Variants in ZC3H3 observed in about 807,000 individuals in gnomAD.
ZC3H3 encodes the protein zinc finger CCCH-type containing 3.
ZC3H3 carries 36 observed loss-of-function variants against 77.3 expected under a neutral mutation model. The ratio of observed to expected loss-of-function variants is 0.47; its 90% confidence interval spans 0.36 to 0.61. The LOEUF is 0.61. Among genes scored for constraint, ZC3H3 ranks in the 20% least tolerant of loss-of-function variants. The pLI, the probability that ZC3H3 is intolerant of heterozygous loss-of-function variation, is 0.00. For synonymous variants in ZC3H3, 626 were observed against 555.2 expected (o/e 1.13, Z -1.79); for missense variants, 1,331 against 1,312.2 (o/e 1.01, Z -0.22).
At chr8:143,531,808 T>C (rs567838221) in intron 3 of ZC3H3, among the ~76,000 whole-genome samples, 1 of 152,382 alleles carries the variant, frequency 6.6e-6, no homozygotes, top group African/African-American at 2.4e-5. Flanking sequence ...TTCTTTTTAT[T>C]AGCCCCCTTA....
At chr8:143,499,460 G>A (rs1291823216) in intron 4 of ZC3H3, among the ~76,000 whole-genome samples, 3 of 152,126 alleles carry the variant, frequency 2.0e-5, no homozygotes, top group African/African-American at 7.2e-5. Context: ...ACCTAGACCT[G>A]CGCCCAGCCG....
intron 9 of ZC3H3, among the ~76,000 whole-genome samples, chr8:143,454,248 A>G (rs1563836633): frequency 1.4e-5 from 2 of 139,340 alleles, no homozygotes; most frequent in African/African-American, 5.3e-5. Context: ...CACTCAGGTA[A>G]TTTTTTTTTT....
chr8:143,448,047 C>T (rs7827427), intron 9 of ZC3H3, among the ~76,000 whole-genome samples: 1 of 152,100 alleles, frequency 6.6e-6, no homozygotes, highest in Non-Finnish European at 1.5e-5. Context: ...ATTGCTTAAA[C>T]CCGAGAGGCG....
Position 143,493,172 on chromosome 8 carries a change from C to T in ZC3H3, c.1715+14574G>A, listed in dbSNP as rs1167015763. ...GGCTCCCTCCTCAGGGTCCCGTGTC[C>T]TGGCCCAGGGGCTCCCTCCTCAGGG... On this transcript the variant is annotated intron_variant, in intron 4 of 11. Coordinates refer to ENST00000262577, the MANE Select transcript of ZC3H3 (RefSeq NM_015117.3). The surrounding 1 kb of genome is among the most constrained non-coding windows in gnomAD (Gnocchi z 4.8). 8.2e-5 allele frequency among the ~76,000 whole-genome samples: 12 copies of T among 146,160 alleles called. No individual in the cohort carries two copies. Among genetic ancestry groups the T allele is most frequent in the Non-Finnish European group, 6.0e-5 (4 of 66,166 alleles).
At position 143,489,308 on chromosome 8, in the gene ZC3H3, A is replaced by C. The variant is rs1821132788; in HGVS notation, c.1716-13723T>G. On this transcript the variant is annotated intron_variant, in intron 4 of 11. Coordinates refer to ENST00000262577, the MANE Select transcript of ZC3H3 (RefSeq NM_015117.3). ...CTGGGCAGGGGACGCCCCAGGTGGG[A>C]AGGGCTCAGCCAGGGCCTGGTTCCA... Among the ~76,000 whole-genome samples the C allele has an allele frequency of 2.0e-5, 3 of 151,520 alleles. No individual in the cohort carries two copies. In the South Asian group the frequency reaches 6.3e-4, roughly 32 times the overall value.
rs192728985 is a variant in ZC3H3 at position 143,519,857 on chromosome 8, G to T, written c.1562-11958C>A. On this transcript the variant is annotated intron_variant, in intron 3 of 11. Transcript: ENST00000262577. The stretch of plus-strand genomic sequence containing the variant: ...GACGCAGGACACCCCCGCAGTCCCA[G>T]AGGTGCCCTGCCCTGTGGGAAGCCA... 2.2e-3 allele frequency among the ~76,000 whole-genome samples: 329 copies of T among 152,290 alleles called. 1 individual carries two copies. Among genetic ancestry groups the T allele is most frequent in the Non-Finnish European group, 4.0e-3 (272 of 68,006 alleles).
intron 9 of ZC3H3, among the ~76,000 whole-genome samples, chr8:143,454,415 T>C (rs938844884): frequency 2.0e-5 from 3 of 150,000 alleles, no homozygotes; most frequent in African/African-American, 4.9e-5. Context: ...TTTTTTTTTT[T>C]TTTGAGATGG....
chr8:143,523,505 C>A (rs181393808), intron 3 of ZC3H3: 1 of 985,404 alleles, frequency 1.0e-6, no homozygotes. Flanking sequence ...GCCCTACAGA[C>A]GGAAGCCACC....
intron 3 of ZC3H3, among the ~76,000 whole-genome samples, chr8:143,513,068 C>A (rs553430286): frequency 1.5e-5 from 2 of 132,278 alleles, no homozygotes; most frequent in East Asian, 4.2e-4. Flanking sequence ...GAAGTCGGGG[C>A]GGGGGGCGTG....
In ZC3H3 at chr8:143,505,376, G is replaced by A. The variant is rs898230013; in HGVS notation, c.1715+2370C>T. On this transcript the variant is annotated intron_variant, in intron 4 of 11. Coordinates refer to ENST00000262577, the MANE Select transcript of ZC3H3 (RefSeq NM_015117.3). ...GCGCATGGGCCAGGCTAGACCAGCC[G>A]CTGGCCCAGACGCCCTTTCTGCCTA... Among the ~76,000 whole-genome samples the A allele has an allele frequency of 2.0e-5, 3 of 152,226 alleles. No individual in the cohort carries two copies. In the South Asian group the frequency reaches 6.2e-4, roughly 31 times the overall value.
chr8:143,458,318 C>T (rs392113), intron 9 of ZC3H3, among the ~76,000 whole-genome samples: 151,599 of 152,290 alleles, frequency 1, 75,456 homozygotes, highest in East Asian at 1. Context: ...AGCGAGGAGA[C>T]TGAGTCAGTA....
At chr8:143,443,879 A>G (rs1458550955) in intron 9 of ZC3H3, among the ~76,000 whole-genome samples, 1 of 152,244 alleles carries the variant, frequency 6.6e-6, no homozygotes, top group Admixed American at 6.5e-5. Flanking sequence ...CAAGAAAAAT[A>G]AATCCAAGTA....
chr8:143,474,546 T>A (rs1357943055), intron 5 of ZC3H3, among the ~76,000 whole-genome samples: 1 of 152,198 alleles, frequency 6.6e-6, no homozygotes, highest in Non-Finnish European at 1.5e-5. Context: ...GGGCGGCCAG[T>A]GAGGCTGGCT....
Position 143,536,355 on chromosome 8 carries a change from G to C in ZC3H3, c.1463C>G (p.Pro488Arg), listed in dbSNP as rs750862098. ...CTTGTTGGGGGTCTTCTTCAGGACA[G>C]GGCTGCTCTTCCCCCTGAGGGCCTG... ...RRQALRGKSS[P>R]VLKKTPNKGL... The change falls in exon 3 of 12, where the codon CCT (proline) becomes CGT (arginine). Residue 488 changes from proline to arginine, a missense_variant. Physicochemically the swap from Pro to Arg is moderately radical, Grantham distance 103. Transcript: ENST00000262577. The C allele has an allele frequency of 8.7e-6, 14 of 1,605,598 alleles. 1 individual carries two copies. The highest frequency in any genetic ancestry group is 1.7e-4 in the Middle Eastern group (1 of 5,860).
At position 143,486,549 on chromosome 8, in the gene ZC3H3, C is replaced by A. The variant is rs564923922; in HGVS notation, c.1716-10964G>T. Reference sequence around the variant, plus strand: ...CCTGTTTGAAGACCCCATCCCCAAACGTAGTCACATTGGGGGTTAGGGTTT... The same window carrying A: ...CCTGTTTGAAGACCCCATCCCCAAAAGTAGTCACATTGGGGGTTAGGGTTT... On this transcript the variant is annotated intron_variant, in intron 4 of 11. Coordinates refer to ENST00000262577, the MANE Select transcript of ZC3H3 (RefSeq NM_015117.3). 4.6e-5 allele frequency among the ~76,000 whole-genome samples: 7 copies of A among 152,238 alleles called. No individual in the cohort carries two copies. In the South Asian group the frequency reaches 6.2e-4, roughly 13 times the overall value.
At position 143,494,956 on chromosome 8, in the gene ZC3H3, C is replaced by T. The variant is rs889167606; in HGVS notation, c.1715+12790G>A. Among the ~76,000 whole-genome samples, 101 of 152,292 alleles carry T rather than the reference C, an allele frequency of 6.6e-4. No individual in the cohort carries two copies. The highest frequency in any genetic ancestry group is 2.3e-3 in the African/African-American group (97 of 41,548). ...GAAAACCACAGTGAGAGGCCACACA[C>T]GTGAGAATGCAGATTAGAAAGGCGG... On this transcript the variant is annotated intron_variant, in intron 4 of 11. Coordinates refer to ENST00000262577, the MANE Select transcript of ZC3H3 (RefSeq NM_015117.3). The surrounding 1 kb of genome is among the most constrained non-coding windows in gnomAD (Gnocchi z 5.3).
At chr8:143,449,223 C>G (rs1469929625) in intron 9 of ZC3H3, among the ~76,000 whole-genome samples, 2 of 152,218 alleles carry the variant, frequency 1.3e-5, no homozygotes, top group Non-Finnish European at 1.5e-5. Flanking sequence ...TCCTTTTAGT[C>G]ACACAAATTT....
intron 4 of ZC3H3, among the ~76,000 whole-genome samples, chr8:143,476,903 G>A (rs762726295): frequency 1.1e-4 from 17 of 152,234 alleles, no homozygotes; most frequent in Non-Finnish European, 2.4e-4. Flanking sequence ...AGCTGGTCTG[G>A]GCCAGGGTGG....
intron 4 of ZC3H3, among the ~76,000 whole-genome samples, chr8:143,489,048 CA>C (rs143594792): frequency 0.015 from 2,218 of 152,358 alleles, 46 homozygotes; most frequent in African/African-American, 0.052. Context: ...CGCTGACCCC[CA>C]GGACTGTTCA....
Sources: allele counts gnomAD v4.1 joint callset (sites outside exome capture counted in the v4.1 genomes callset), GRCh38; gene constraint gnomAD v4.1.1; non-coding constraint Gnocchi (gnomAD v3.1); transcripts MANE v1.5; gene names NCBI Gene and HGNC (gene_info 2026-07-23, HGNC 2026-07-21).